The following BCAP29 variants were observed in gnomAD, a reference collection of about 807,000 sequenced individuals.
The protein encoded by BCAP29 is B cell receptor associated protein 29, also known as B-cell receptor-associated protein 29.
A neutral mutation model predicts 31.8 loss-of-function variants in BCAP29; 34 were observed. The observed-to-expected ratio is 1.07, with a 90% confidence interval of 0.81 to 1.42. The LOEUF (loss-of-function observed/expected upper bound fraction) is 1.42, where lower values mean the gene tolerates loss of function less well. Ranked by LOEUF, BCAP29 falls within the 40% of genes most tolerant of loss-of-function variation. The pLI is 0.00. For missense variants in BCAP29, 314 were observed against 269.2 expected, an observed-to-expected ratio of 1.17 and a Z score of -1.16; for synonymous variants, 104 against 91.3, an observed-to-expected ratio of 1.14 and a Z score of -0.79.
intron 3 of BCAP29, among the ~76,000 whole-genome samples, chr7:107,589,996 A>G (rs1401327034): frequency 2.6e-5 from 4 of 152,204 alleles, no homozygotes; most frequent in Non-Finnish European, 5.9e-5. Context: ...TGGAAAACCT[A>G]TACATGTTTG....
At chr7:107,590,820 GAA>G (rs751097308) in intron 3 of BCAP29, among the ~76,000 whole-genome samples, 6 of 142,276 alleles carry the variant, frequency 4.2e-5, no homozygotes, top group Non-Finnish European at 7.8e-5. Context: ...CCCTGTCTCA[GAA>G]AAAAAAAAAA....
At chr7:107,604,688 T>TTGTTG (rs1563137416) in intron 6 of BCAP29, among the ~76,000 whole-genome samples, 3 of 136,788 alleles carry the variant, frequency 2.2e-5, no homozygotes, top group Admixed American at 7.2e-5. Context: ...TGTTGTTGTT[T>TTGTTG]TTTTTTTTTT....
rs377633207 is a variant in BCAP29, at chr7:107,583,902, T to A, written c.113T>A (p.Phe38Tyr). 3.6e-5 allele frequency: 57 copies of A among 1,572,596 alleles called. 1 individual carries two copies. The highest frequency in any genetic ancestry group is 2.4e-4 in the South Asian group (20 of 83,132). Residue 38 changes from phenylalanine to tyrosine, a missense_variant, in exon 3 of 8, where the codon TTT (phenylalanine) becomes TAT (tyrosine). Phe to Tyr is a conservative substitution (Grantham distance 22). Coordinates refer to ENST00000005259, the MANE Select transcript of BCAP29 (RefSeq NM_018844.4). ...TACAGATGGCAGAAGATTTTTTCATTTAATGTCTGGGGTAAAATTGCAACT... is the reference window on the plus strand; with the variant it reads ...TACAGATGGCAGAAGATTTTTTCATATAATGTCTGGGGTAAAATTGCAACT... The part of the protein sequence containing the change: ...PPQRWQKIFS[F>Y]NVWGKIATFW...
intron 7 of BCAP29, chr7:107,615,570 T>C (rs902636698): frequency 4.8e-5 from 13 of 270,496 alleles, no homozygotes; most frequent in Non-Finnish European, 8.3e-5. Context: ...CACTCCAGCC[T>C]GGGTGACAGA....
At chr7:107,607,933 C>A (rs553602294) in intron 6 of BCAP29, among the ~76,000 whole-genome samples, 1 of 152,076 alleles carries the variant, frequency 6.6e-6, no homozygotes, top group African/African-American at 2.4e-5. Context: ...CCACTGTGCC[C>A]GGCCTGGATT....
At chr7:107,617,721 C>T (rs1814445303) in intron 7 of BCAP29, among the ~76,000 whole-genome samples, 1 of 152,192 alleles carries the variant, frequency 6.6e-6, no homozygotes, top group Admixed American at 6.5e-5. Context: ...GCTATGGAAG[C>T]ATTAATGTTC....
At chr7:107,599,244 T>A (rs1345376039) in intron 5 of BCAP29, among the ~76,000 whole-genome samples, 8 of 129,070 alleles carry the variant, frequency 6.2e-5, no homozygotes, top group African/African-American at 2.1e-4. Flanking sequence ...TATTTATATA[T>A]AAATATATAT....
intron 6 of BCAP29, among the ~76,000 whole-genome samples, chr7:107,612,437 A>ATATTTATTTATTTATTTATT (rs1554480153): frequency 8.8e-6 from 1 of 113,256 alleles, no homozygotes; most frequent in African/African-American, 3.7e-5. Flanking sequence ...ATATATATAT[A>ATATTTATTTATTTATTTATT]TATTTATTTT....
intron 3 of BCAP29, among the ~76,000 whole-genome samples, chr7:107,587,127 T>C (rs560911724): frequency 1.3e-5 from 2 of 152,274 alleles, no homozygotes; most frequent in South Asian, 2.1e-4. Context: ...GTATTTTAGG[T>C]GCTGGTAAGA....
intron 5 of BCAP29, among the ~76,000 whole-genome samples, chr7:107,597,333 C>A (rs1040828124): frequency 6.6e-6 from 1 of 152,092 alleles, no homozygotes; most frequent in African/African-American, 2.4e-5. Flanking sequence ...ACCTTGGCCT[C>A]CAGAAGTGCT....
chr7:107,608,221 G>C (rs1453133545), intron 6 of BCAP29, among the ~76,000 whole-genome samples: 2 of 151,916 alleles, frequency 1.3e-5, no homozygotes, highest in Non-Finnish European at 2.9e-5. Flanking sequence ...AAATAAGAAA[G>C]GGAAGTTACG....
chr7:107,595,177 C>T (rs1179939252), intron 4 of BCAP29, among the ~76,000 whole-genome samples: 2 of 152,312 alleles, frequency 1.3e-5, no homozygotes, highest in Admixed American at 6.5e-5. Context: ...GTGGCCATCA[C>T]TACCCACAAA....
At chr7:107,608,935 A>G (rs895379623) in intron 6 of BCAP29, among the ~76,000 whole-genome samples, 1 of 152,208 alleles carries the variant, frequency 6.6e-6, no homozygotes, top group Non-Finnish European at 1.5e-5. Flanking sequence ...ACTTACCAAT[A>G]CTAGGCAATA....
chr7:107,613,804 C>T, intron 7 of BCAP29: 2 of 1,116,250 alleles, frequency 1.8e-6, no homozygotes, highest in Non-Finnish European at 1.4e-6. Context: ...TTCCACATCA[C>T]ACTACTCTTG....
intron 2 of BCAP29, among the ~76,000 whole-genome samples, chr7:107,583,600 G>A (rs1346694196): frequency 6.6e-6 from 1 of 151,980 alleles, no homozygotes; most frequent in Non-Finnish European, 1.5e-5. Context: ...TTTTACTACT[G>A]CAAGAATTCC....
In BCAP29 at chr7:107,618,718, G is replaced by C; in HGVS notation, c.*355G>C. 1 of 793,550 alleles carries C rather than the reference G, an allele frequency of 1.3e-6. No individual in the cohort carries two copies. The highest frequency in any genetic ancestry group is 2.2e-5 in the South Asian group (1 of 45,624). 49.2% of individuals were successfully genotyped at this position (793,550 alleles called of 1,614,324 possible). On this transcript the variant is annotated 3_prime_UTR_variant, in exon 8 of 8. Transcript: ENST00000005259. Reference sequence around the variant, plus strand: ...CATGAAACCATTAATAGCCTTGAAAGCTTTGATAAGTTTTCAGTAATAATA... The same window carrying C: ...CATGAAACCATTAATAGCCTTGAAACCTTTGATAAGTTTTCAGTAATAATA...
intron 3 of BCAP29, 80 bp downstream of exon 3, chr7:107,584,062 A>G: frequency 1.3e-6 from 1 of 790,096 alleles, no homozygotes. Context: ...TTGATGTTAC[A>G]ATTGGTGTAC....
rs1417804846 is a variant in BCAP29 at position 107,580,740 on chromosome 7, TAAGTG to T, written c.-14-18_-14-14del. ...TTGTTTGAAAGGAAGCAAGAGAAAA[TAAGTG>T]TTTTTCCATTTAGGTGTGAAGAAAA... On this transcript the variant is annotated splice_polypyrimidine_tract_variant and intron_variant, in intron 1 of 7. Transcript: ENST00000005259. 6 of 1,523,846 alleles carry T rather than the reference TAAGTG, an allele frequency of 3.9e-6. No individual in the cohort carries two copies. Among genetic ancestry groups the T allele is most frequent in the Non-Finnish European group, 4.5e-6 (5 of 1,113,636 alleles). The allele number at this position is 1,523,846 out of a possible 1,614,324, so 94.4% of individuals were successfully genotyped here. A position where few individuals can be genotyped will look rare whatever the true frequency, so the allele number is the denominator to read the frequency against.
chr7:107,615,361 G>A lies in BCAP29; in HGVS notation c.690+1929G>A, dbSNP rs138532054. ...CACCTTTCTTTAATCCCAGCACTTT[G>A]GAAGGCTGAGGCGGGCGGATCATGG... On this transcript the variant is annotated intron_variant, in intron 7 of 7. Transcript: ENST00000005259. 1.6e-3 allele frequency: 713 copies of A among 456,396 alleles called. 1 individual carries two copies. The highest frequency in any genetic ancestry group is 2.3e-3 in the Non-Finnish European group (519 of 226,906). The allele number at this position is 456,396 out of a possible 1,614,324, so 28.3% of individuals were successfully genotyped here.
Sources: gnomAD v4.1 joint callset for allele counts (sites outside exome capture counted in the v4.1 genomes callset) on GRCh38, gnomAD v4.1.1 for gene constraint, MANE v1.5 for transcripts, NCBI Gene and HGNC (gene_info 2026-07-23, HGNC 2026-07-21) for gene names.